CDK5RAP1: variants seen among roughly 807,000 people sequenced by gnomAD.
The protein encoded by CDK5RAP1 is mitochondrial tRNA methylthiotransferase CDK5RAP1.
Under a neutral mutation model 64.5 loss-of-function variants are expected in CDK5RAP1, and 62 were observed. That is an observed-to-expected ratio of 0.96 (90% CI 0.78 to 1.19). CDK5RAP1 has a LOEUF of 1.19. Among genes scored for constraint, CDK5RAP1 ranks in the 50% most tolerant of loss-of-function variants. The pLI, the probability that CDK5RAP1 is intolerant of heterozygous loss-of-function variation, is 0.00. For synonymous variants in CDK5RAP1, 250 were observed against 261.9 expected, an observed-to-expected ratio of 0.95 and a Z score of 0.44; for missense variants, 657 against 735.0, an observed-to-expected ratio of 0.89 and a Z score of 1.23.
intron 7 of CDK5RAP1, among the ~76,000 whole-genome samples, chr20:33,380,351 C>G (rs1255242955): frequency 6.6e-6 from 1 of 152,182 alleles, no homozygotes; most frequent in African/African-American, 2.4e-5. Context: ...CCTCAGCCTC[C>G]CAAGTAGCTG....
chr20:33,374,033 G>C (rs968921080), intron 9 of CDK5RAP1, 82 bp downstream of exon 9: 1 of 934,488 alleles, frequency 1.1e-6, no homozygotes, highest in Non-Finnish European at 1.8e-6. Flanking sequence ...CACTATGCTA[G>C]GTTCTTGGCA....
chr20:33,398,252 G>A (rs1989079574), intron 1 of CDK5RAP1, among the ~76,000 whole-genome samples: 1 of 152,166 alleles, frequency 6.6e-6, no homozygotes, highest in Admixed American at 6.5e-5. Context: ...CAGCACTTTG[G>A]GACGCTGAGG....
chr20:33,387,039 G>A (rs1469857096), intron 6 of CDK5RAP1, among the ~76,000 whole-genome samples: 1 of 152,080 alleles, frequency 6.6e-6, no homozygotes, highest in Admixed American at 6.6e-5. Context: ...TGAGGTGGGA[G>A]GATCACCCAA....
intron 1 of CDK5RAP1, among the ~76,000 whole-genome samples, chr20:33,400,919 G>A (rs747242062): frequency 2.6e-5 from 4 of 152,134 alleles, no homozygotes; most frequent in Non-Finnish European, 5.9e-5. Context: ...CTCTAGATGG[G>A]GATAATAGCA....
chr20:33,367,099 T>C, intron 11 of CDK5RAP1, 91 bp from the exon 12 acceptor site: 1 of 1,249,520 alleles, frequency 8.0e-7, no homozygotes, highest in Non-Finnish European at 1.1e-6. Flanking sequence ...ATGTTCATTC[T>C]ACCTACAAGT....
chr20:33,374,237 G>A (rs1157002618), intron 8 of CDK5RAP1, 25 bp from the exon 9 acceptor site: 2 of 1,465,660 alleles, frequency 1.4e-6, no homozygotes, highest in Admixed American at 1.7e-5. Flanking sequence ...CACATTATAG[G>A]TAATCACAAT....
chr20:33,399,323 G>A (rs1320168406), intron 1 of CDK5RAP1, among the ~76,000 whole-genome samples: 3 of 152,068 alleles, frequency 2.0e-5, no homozygotes, highest in Non-Finnish European at 1.5e-5. Flanking sequence ...TCTCTGGCTG[G>A]TATTTATCTT....
intron 6 of CDK5RAP1, 94 bp from the exon 7 acceptor site, chr20:33,385,864 G>T: frequency 8.3e-7 from 1 of 1,199,608 alleles, no homozygotes; most frequent in Non-Finnish European, 1.2e-6. Flanking sequence ...TTATTCTTTG[G>T]CTCTGAATCC....
intron 11 of CDK5RAP1, 109 bp from the exon 12 acceptor site, chr20:33,367,117 A>C: frequency 1.9e-6 from 2 of 1,077,352 alleles, no homozygotes; most frequent in Non-Finnish European, 2.6e-6. Context: ...AGTAACAGAC[A>C]CATGTACAGA....
chr20:33,395,200 T>C (rs1988794410), intron 2 of CDK5RAP1, 84 bp from the exon 3 acceptor site: 1 of 780,820 alleles, frequency 1.3e-6, no homozygotes, highest in Non-Finnish European at 2.3e-6. Context: ...CCAAATGCTC[T>C]AGAAATATCT....
intron 7 of CDK5RAP1, among the ~76,000 whole-genome samples, chr20:33,382,047 G>A (rs1447055384): frequency 6.6e-6 from 1 of 152,206 alleles, no homozygotes; most frequent in South Asian, 2.1e-4. Flanking sequence ...TCCCAGTGTT[G>A]CCCAGGCTGG....
Sources: allele counts gnomAD v4.1 joint callset (sites outside exome capture counted in the v4.1 genomes callset), GRCh38; gene constraint gnomAD v4.1.1; transcripts MANE v1.5; gene names NCBI Gene and HGNC (gene_info 2026-07-23, HGNC 2026-07-21).